CREB1: variants seen among roughly 807,000 people sequenced by gnomAD.
CREB1 encodes the protein cAMP responsive element binding protein 1.
A neutral mutation model predicts 42.0 loss-of-function variants in CREB1; 2 were observed. The ratio of observed to expected loss-of-function variants is 0.05; its 90% CI spans 0.02 to 0.15. CREB1 has a LOEUF of 0.15. Among genes scored for constraint, CREB1 ranks in the 10% least tolerant of loss-of-function variants. CREB1 has a pLI of 1.00. For synonymous variants in CREB1, 123 were observed against 139.9 expected, an observed-to-expected ratio of 0.88 and a Z score of 0.85; for missense variants, 199 against 388.9, an observed-to-expected ratio of 0.51 and a Z score of 4.11.
chr2:207,548,760 C>T (rs1014656559), intron 1 of CREB1, among the ~76,000 whole-genome samples: 1 of 151,912 alleles, frequency 6.6e-6, no homozygotes, highest in African/African-American at 2.4e-5. Flanking sequence ...CGCCTGCCTC[C>T]CCCGCTCCCC....
At chr2:207,567,754 C>A in intron 4 of CREB1, 191 bp downstream of exon 4, 1 of 398,392 alleles carries the variant, frequency 2.5e-6, no homozygotes. Context: ...GTTACTCTCA[C>A]CAGTCCTAAT....
At chr2:207,587,025 G>A (rs1033769512) in intron 7 of CREB1, among the ~76,000 whole-genome samples, 3 of 152,160 alleles carry the variant, frequency 2.0e-5, no homozygotes, top group Non-Finnish European at 4.4e-5. Context: ...AACTCTTTGT[G>A]TTAGAATTGT....
At chr2:207,552,913 G>T (rs2081570472) in intron 1 of CREB1, among the ~76,000 whole-genome samples, 1 of 151,970 alleles carries the variant, frequency 6.6e-6, no homozygotes. Flanking sequence ...ACCGCGCCCG[G>T]CTGTGAATGT....
At chr2:207,585,513 A>T (rs1161537523) in intron 7 of CREB1, among the ~76,000 whole-genome samples, 1 of 152,208 alleles carries the variant, frequency 6.6e-6, no homozygotes, top group Non-Finnish European at 1.5e-5. Context: ...GACACAAGAA[A>T]CATAAAATAC....
intron 1 of CREB1, among the ~76,000 whole-genome samples, chr2:207,540,669 T>TAAA (rs35714520): frequency 1.7e-4 from 11 of 64,266 alleles, no homozygotes; most frequent in African/African-American, 4.9e-4. Context: ...GTTTAAAAAG[T>TAAA]AAAAAAAAAA....
Position 207,587,328 on chromosome 2 carries a change from G to C in CREB1, c.840-9586G>C, listed in dbSNP as rs536205093. 1.0e-3 allele frequency among the ~76,000 whole-genome samples: 158 copies of C among 151,370 alleles called. 2 individuals are homozygous for C. The highest frequency in any genetic ancestry group is 3.7e-3 in the African/African-American group (154 of 41,212). On this transcript the variant is annotated intron_variant, in intron 7 of 7. Transcript: ENST00000353267. ...GAATGGCGTGAACCCGGAAGGCAGA[G>C]CTTGCAGTGAGCCGAGATCGCACCA...
At chr2:207,595,202 G>A (rs1278077815) in intron 7 of CREB1, among the ~76,000 whole-genome samples, 4 of 151,488 alleles carry the variant, frequency 2.6e-5, no homozygotes, top group South Asian at 2.1e-4. Context: ...CACCATGTTG[G>A]CCAGGCTGGT....
rs147054330 is a variant in CREB1 at position 207,551,039 on chromosome 2, A to G, written c.-8-4589A>G. Among the ~76,000 whole-genome samples, 903 of 152,268 alleles carry G rather than the reference A, an allele frequency of 5.9e-3. 9 individuals carry two copies. The highest frequency in any genetic ancestry group is 5.5e-3 in the Non-Finnish European group (377 of 68,010). On this transcript the variant is annotated intron_variant, in intron 1 of 7. Transcript: ENST00000353267. ...TATGCAAAGTCTCTTATCAGCCACT[A>G]CTTGCTCATTTCCATACAGGGCTAT...
In CREB1 at chr2:207,590,356, T is replaced by C. The variant is rs188865392; in HGVS notation, c.840-6558T>C. Among the ~76,000 whole-genome samples the C allele has an allele frequency of 1.1e-3, 171 of 152,084 alleles. 1 individual carries two copies. Among genetic ancestry groups the C allele is most frequent in the Non-Finnish European group, 1.7e-3 (114 of 67,986 alleles). Reference sequence around the variant, plus strand: ...CACCCCTACCCCAGCCACCCTCCTTTTTTTTTAAGTCTGGCTAAAGGTTTA... The same window carrying C: ...CACCCCTACCCCAGCCACCCTCCTTCTTTTTTAAGTCTGGCTAAAGGTTTA... On this transcript the variant is annotated intron_variant, in intron 7 of 7. Coordinates refer to ENST00000353267, the MANE Select transcript of CREB1 (RefSeq NM_004379.5).
intron 7 of CREB1, among the ~76,000 whole-genome samples, chr2:207,591,087 T>G (rs2084944370): frequency 6.6e-6 from 1 of 152,210 alleles, no homozygotes; most frequent in Admixed American, 6.5e-5. Context: ...TCTTAAATTA[T>G]CAAGTATCAT....
intron 1 of CREB1, among the ~76,000 whole-genome samples, chr2:207,542,491 C>T (rs1422095490): frequency 6.6e-6 from 1 of 152,074 alleles, no homozygotes; most frequent in East Asian, 1.9e-4. Context: ...AATTTCTGTT[C>T]AGATCTTTTG....
chr2:207,582,998 GCT>G (rs1217799406), intron 7 of CREB1: 4 of 153,724 alleles, frequency 2.6e-5, no homozygotes, highest in Non-Finnish European at 4.4e-5. Flanking sequence ...TATATAGTTG[GCT>G]CTGTTTTCCA....
intron 1 of CREB1, among the ~76,000 whole-genome samples, chr2:207,541,636 A>G (rs2081103549): frequency 6.6e-6 from 1 of 152,214 alleles, no homozygotes; most frequent in Non-Finnish European, 1.5e-5. Flanking sequence ...ATGACTGTAT[A>G]TGTATTACAG....
chr2:207,541,385 C>T (rs1419767029), intron 1 of CREB1, among the ~76,000 whole-genome samples: 1 of 152,082 alleles, frequency 6.6e-6, no homozygotes, highest in Non-Finnish European at 1.5e-5. Flanking sequence ...CATTTTTTAT[C>T]TTTTATATTT....
At chr2:207,531,756 C>A (rs1026940799) in intron 1 of CREB1, among the ~76,000 whole-genome samples, 7 of 152,190 alleles carry the variant, frequency 4.6e-5, no homozygotes, top group Non-Finnish European at 1.0e-4. Context: ...GTGATTGATA[C>A]GTACAAACCT....
chr2:207,541,054 T>C (rs998634443), intron 1 of CREB1, among the ~76,000 whole-genome samples: 3 of 152,128 alleles, frequency 2.0e-5, no homozygotes, highest in African/African-American at 7.2e-5. Flanking sequence ...ACCCTGTTCC[T>C]ACTAAAAGTG....
intron 7 of CREB1, among the ~76,000 whole-genome samples, chr2:207,589,228 A>C (rs2084500157): frequency 6.6e-6 from 1 of 152,206 alleles, no homozygotes; most frequent in Non-Finnish European, 1.5e-5. Context: ...GCAGGACTGC[A>C]TTCCTTCCTG....
In CREB1 at chr2:207,575,941, C is replaced by CG. The variant is rs1241046923; in HGVS notation, c.688+487_688+488insG. ...GGATTCTGTTTCTCTGCTTCCCCCC[C>CG]CCCCCCCAAAAGAAATTTAAATCTT... On this transcript the variant is annotated intron_variant, in intron 6 of 7. Transcript: ENST00000353267. 7.3e-5 allele frequency among the ~76,000 whole-genome samples: 4 copies of CG among 54,532 alleles called. 1 individual carries two copies. The highest frequency in any genetic ancestry group is 1.1e-4 in the Non-Finnish European group (2 of 18,978). 35.8% of individuals were successfully genotyped at this position (54,532 alleles called of 152,430 possible).
chr2:207,543,536 TGTA>T (rs1191365955), intron 1 of CREB1, among the ~76,000 whole-genome samples: 2 of 152,168 alleles, frequency 1.3e-5, no homozygotes, highest in Admixed American at 6.5e-5. Flanking sequence ...TCATCACTCT[TGTA>T]GTACTGCATT....
Sources: allele counts gnomAD v4.1 joint callset (sites outside exome capture counted in the v4.1 genomes callset), GRCh38; gene constraint gnomAD v4.1.1; transcripts MANE v1.5; gene names NCBI Gene and HGNC (gene_info 2026-07-23, HGNC 2026-07-21).